The following NF2 variants were observed in gnomAD, a reference collection of about 807,000 sequenced individuals.
The protein encoded by NF2 is NF2, moesin-ezrin-radixin like (MERLIN) tumor suppressor, also known as merlin.
NF2 carries 8 observed loss-of-function variants against 83.7 expected under a neutral mutation model. The ratio of observed to expected loss-of-function variants is 0.10; its 90% CI spans 0.06 to 0.17. The LOEUF is 0.17. Among genes scored for constraint, NF2 ranks in the 10% least tolerant of loss-of-function variants. The probability of loss-of-function intolerance (pLI) is 1.00; values close to 1 mark genes in which losing one functional copy is unlikely to be tolerated. For synonymous variants in NF2, 266 were observed against 269.6 expected (o/e 0.99, Z 0.13); for missense variants, 533 against 744.4 (o/e 0.72, Z 3.31).
intron 1 of NF2, among the ~76,000 whole-genome samples, chr22:29,615,299 A>G (rs1396267472): frequency 1.3e-5 from 2 of 152,192 alleles, no homozygotes; most frequent in African/African-American, 4.8e-5. Context: ...TTAGCCAGGC[A>G]TGGTGGGTCA....
intron 1 of NF2, among the ~76,000 whole-genome samples, chr22:29,626,241 C>T (rs1352035238): frequency 6.6e-6 from 1 of 150,624 alleles, no homozygotes; most frequent in Non-Finnish European, 1.5e-5. Context: ...GCAATCTCTG[C>T]CTCCTGGGTT....
intron 7 of NF2, among the ~76,000 whole-genome samples, chr22:29,658,628 C>T (rs1220715379): frequency 7.4e-6 from 1 of 134,602 alleles, no homozygotes; most frequent in East Asian, 2.7e-4. Context: ...CCCCCATCCC[C>T]ACCCCCACCC....
intron 8 of NF2, among the ~76,000 whole-genome samples, chr22:29,664,107 C>G (rs1569299408): frequency 6.6e-6 from 1 of 152,140 alleles, no homozygotes; most frequent in Non-Finnish European, 1.5e-5. Context: ...CACATCAAAC[C>G]TAAACCCTTC....
chr22:29,666,590 A>T (rs1027258866), intron 9 of NF2, among the ~76,000 whole-genome samples: 2 of 152,082 alleles, frequency 1.3e-5, no homozygotes, highest in African/African-American at 4.8e-5. Context: ...TCAAGGCAGG[A>T]TAACTGTTTG....
In NF2 at chr22:29,606,443, A is replaced by G. The variant is rs111235013; in HGVS notation, c.114+2331A>G. 7.1e-3 allele frequency among the ~76,000 whole-genome samples: 1,085 copies of G among 152,312 alleles called. 7 individuals are homozygous for G. Among genetic ancestry groups the G allele is most frequent in the Non-Finnish European group, 0.012 (850 of 68,018 alleles). On this transcript the variant is annotated intron_variant, in intron 1 of 15. Transcript: ENST00000338641. ...AGTTCCTAGAGTGAGGGTATTTCTC[A>G]GAGAGAATCTTTCCAGGGTCCTTCC... is the stretch of plus-strand genomic sequence containing the variant.
chr22:29,633,345 C>A (rs890051289), intron 1 of NF2, among the ~76,000 whole-genome samples: 1 of 152,144 alleles, frequency 6.6e-6, no homozygotes, highest in East Asian at 1.9e-4. Context: ...TTTAGTGGAA[C>A]CACCTGGTAC....
chr22:29,628,086 T>G (rs1020920803), intron 1 of NF2, among the ~76,000 whole-genome samples: 1 of 151,694 alleles, frequency 6.6e-6, no homozygotes, highest in Non-Finnish European at 1.5e-5. Context: ...CATCAAGCAT[T>G]TATGGAGTAT....
rs1241179031 is a variant in NF2 at position 29,604,234 on chromosome 22, CA to C, written c.114+126del. 5 of 777,936 alleles carry C rather than the reference CA, an allele frequency of 6.4e-6. No individual in the cohort carries two copies. The Admixed American group carries it at 1.0e-4, about 16-fold the overall frequency. The allele number at this position is 777,936 out of a possible 1,614,324, so 48.2% of individuals were successfully genotyped here. ...CAGAACCGGAAGGGCCAACTAGGCC[CA>C]AAACCTCATGTTAAAGATGATTGCT... is the stretch of plus-strand genomic sequence containing the variant. On this transcript the variant is annotated intron_variant, in intron 1 of 15. Transcript: ENST00000338641.
rs2067026804 is a variant in NF2, at chr22:29,678,276, C to A, written c.1527C>A (p.Phe509Leu). The A allele has an allele frequency of 1.2e-6, 2 of 1,614,088 alleles. No homozygotes were observed. The highest frequency in any genetic ancestry group is 1.7e-6 in the Non-Finnish European group (2 of 1,180,004). Residue 509 changes from phenylalanine (F) to leucine (L), a missense_variant, in exon 14 of 16, where the codon TTC becomes TTA. Phe to Leu is a conservative substitution (Grantham distance 22). This residue lies in a region of NF2 where 199 missense variants were observed against 240.7 expected (regional missense o/e 0.83). Coordinates refer to ENST00000338641, the MANE Select transcript of NF2 (RefSeq NM_000268.4). ...TTGGTGACAGCCTGTCTTTCGACTT[C>A]AAAGATACTGACATGAAGCGGCTTT... The part of the protein sequence containing the change: ...NLIGDSLSFD[F>L]KDTDMKRLSM...
chr22:29,694,832 A>G lies in NF2; in HGVS notation c.*30A>G. 6.2e-7 allele frequency: 1 copy of G among 1,609,870 alleles called. No individual in the cohort carries two copies. Among genetic ancestry groups the G allele is most frequent in the Non-Finnish European group, 8.5e-7 (1 of 1,177,786 alleles). On this transcript the variant is annotated 3_prime_UTR_variant, in exon 16 of 16. Transcript: ENST00000338641. This position sits in a 1 kb window ranked among gnomAD's most constrained non-coding sequence, Gnocchi z 4.1. Reference sequence around the variant, plus strand: ...TGACCCAGCCACCCCAGGACCTGCCACTTCTCCTGCTACCGGGACCGCGGG... The same window carrying G: ...TGACCCAGCCACCCCAGGACCTGCCGCTTCTCCTGCTACCGGGACCGCGGG...
intron 1 of NF2, among the ~76,000 whole-genome samples, chr22:29,614,336 C>T (rs572867942): frequency 2.6e-5 from 4 of 151,382 alleles, no homozygotes; most frequent in South Asian, 2.1e-4. Flanking sequence ...CCCAGCACTT[C>T]GGGAGGCCGA....
At chr22:29,650,359 A>C (rs1208197110) in intron 4 of NF2, among the ~76,000 whole-genome samples, 1 of 152,200 alleles carries the variant, frequency 6.6e-6, no homozygotes, top group Admixed American at 6.5e-5. Flanking sequence ...TCAGTCTTTA[A>C]AATTTTTGCT....
At position 29,661,206 on chromosome 22, in the gene NF2, A is replaced by T. The variant is rs2147007571; in HGVS notation, c.677A>T (p.Asn226Ile). 1 of 1,614,246 alleles carries T rather than the reference A, an allele frequency of 6.2e-7. No individual in the cohort carries two copies. The highest frequency in any genetic ancestry group is 8.5e-7 in the Non-Finnish European group (1 of 1,180,046). Reference protein sequence around the residue: ...MYGVNYFAIRNKKGTELLLGV... With the variant: ...MYGVNYFAIRIKKGTELLLGV... ...TAGCTGTTCTTATTGGATCCACAGA[A>T]TAAAAAGGGCACAGAGCTGCTGCTT... The change falls in exon 8 of 16, where the codon AAT (asparagine) becomes ATT (isoleucine). Residue 226 changes from asparagine to isoleucine, a missense_variant and splice_region_variant. Transcript: ENST00000338641.
rs1431648737 is a variant in NF2 at position 29,694,928 on chromosome 22, C to T, written c.*126C>T. ...GTTTCCGTGGGAGCTCCAGAACTTT[C>T]CCCAGCTGAGTGAAGAGCCCAGCCC... On this transcript the variant is annotated 3_prime_UTR_variant, in exon 16 of 16. Coordinates refer to ENST00000338641, the MANE Select transcript of NF2 (RefSeq NM_000268.4). This position sits in a 1 kb window ranked among gnomAD's most constrained non-coding sequence, Gnocchi z 4.1. 3.0e-6 allele frequency: 3 copies of T among 986,750 alleles called. No homozygotes were observed. The highest frequency in any genetic ancestry group is 2.0e-5 in the Admixed American group (1 of 50,238). 61.1% of individuals were successfully genotyped at this position (986,750 alleles called of 1,614,324 possible). A position where few individuals can be genotyped will look rare whatever the true frequency, so the allele number is the denominator to read the frequency against.
chr22:29,654,735 T>A lies in NF2; in HGVS notation c.516+10T>A. ...ATTGCTTCCAAAAAGGGTAAGAGATTAAATTCCCTTTTCAGGAAGACATAG... is the reference window on the plus strand; with the variant it reads ...ATTGCTTCCAAAAAGGGTAAGAGATAAAATTCCCTTTTCAGGAAGACATAG... On this transcript the variant is annotated intron_variant, in intron 5 of 15. Coordinates refer to ENST00000338641, the MANE Select transcript of NF2 (RefSeq NM_000268.4). The A allele has an allele frequency of 1.2e-6, 2 of 1,606,230 alleles. No individual in the cohort carries two copies. Among genetic ancestry groups the A allele is most frequent in the Non-Finnish European group, 8.5e-7 (1 of 1,172,848 alleles).
intron 1 of NF2, among the ~76,000 whole-genome samples, chr22:29,614,877 G>A (rs1420832768): frequency 6.6e-6 from 1 of 151,950 alleles, no homozygotes; most frequent in Non-Finnish European, 1.5e-5. Flanking sequence ...GTGAAACCCT[G>A]TCTATATTAA....
Position 29,655,587 on chromosome 22 carries a change from T to A in NF2, c.517-7T>A, listed in dbSNP as rs751235993. 6.2e-7 allele frequency: 1 copy of A among 1,609,718 alleles called. No homozygotes were observed. The highest frequency in any genetic ancestry group is 1.1e-5 in the South Asian group (1 of 90,990). ...TAGGTTTTTTATTTTGCTCTATTTT[T>A]TGGTAGGTAATAAATCTGTATCAGA... On this transcript the variant is annotated splice_polypyrimidine_tract_variant and splice_region_variant and intron_variant, in intron 5 of 15. Transcript: ENST00000338641.
intron 15 of NF2, among the ~76,000 whole-genome samples, chr22:29,685,038 T>C (rs2067236783): frequency 6.6e-6 from 1 of 151,082 alleles, no homozygotes; most frequent in Admixed American, 6.6e-5. Context: ...GGGGATGAGA[T>C]GCAAAAGCTG....
intron 4 of NF2, among the ~76,000 whole-genome samples, chr22:29,644,285 GC>G (rs1192827591): frequency 6.6e-6 from 1 of 150,904 alleles, no homozygotes; most frequent in Non-Finnish European, 1.5e-5. Flanking sequence ...CCCAGACGGG[GC>G]GGCGGGGCAG....
Sources: gnomAD v4.1 joint callset for allele counts (sites outside exome capture counted in the v4.1 genomes callset) on GRCh38, gnomAD v4.1.1 for gene constraint, gnomAD v4.1.1 regional missense constraint, Gnocchi (gnomAD v3.1) non-coding constraint, MANE v1.5 for transcripts, NCBI Gene and HGNC (gene_info 2026-07-23, HGNC 2026-07-21) for gene names.